DUSP8: variants seen among roughly 807,000 people sequenced by gnomAD.
DUSP8 encodes dual specificity protein phosphatase 8.
A neutral mutation model predicts 38.7 loss-of-function variants in DUSP8; 15 were observed. That is an observed-to-expected ratio of 0.39 (90% CI 0.26 to 0.60). DUSP8 has a LOEUF of 0.60. Ranked by LOEUF, DUSP8 falls within the 20% of genes least tolerant of loss-of-function variation. The pLI, the probability that DUSP8 is intolerant of heterozygous loss-of-function variation, is 0.56. For synonymous variants in DUSP8, 458 were observed against 433.9 expected (o/e 1.06, Z -0.69); for missense variants, 768 against 915.0 (o/e 0.84, Z 2.07).
At chr11:1,571,715 G>C (rs988680387) in intron 1 of DUSP8, 186 bp downstream of exon 1, 1 of 151,714 alleles carries the variant, frequency 6.6e-6, no homozygotes, top group African/African-American at 2.4e-5. Flanking sequence ...GGGCGGGGAA[G>C]GGGCCTCCCT....
At chr11:1,559,780 G>A (rs964042025) in intron 3 of DUSP8, among the ~76,000 whole-genome samples, 4 of 152,298 alleles carry the variant, frequency 2.6e-5, no homozygotes, top group East Asian at 1.9e-4. Flanking sequence ...CGTGACCAGC[G>A]TGTGCTGCTG....
At chr11:1,564,453 C>G (rs189887061) in intron 2 of DUSP8, among the ~76,000 whole-genome samples, 2 of 152,268 alleles carry the variant, frequency 1.3e-5, no homozygotes, top group Non-Finnish European at 2.9e-5. Context: ...AATTCTGCTC[C>G]CCACCCTATC....
Position 1,556,652 on chromosome 11 carries a change from G to A in DUSP8, c.1744C>T (p.Gln582Ter). 1 of 1,406,950 alleles carries A rather than the reference G, an allele frequency of 7.1e-7. No individual in the cohort carries two copies. The allele number at this position is 1,406,950 out of a possible 1,614,324, so 87.2% of individuals were successfully genotyped here. Residue 582 changes from glutamine (Q) to a stop codon, truncating the protein, a stop_gained, in exon 7 of 7, where the codon CAG (glutamine) becomes TAG (stop). Transcript: ENST00000397374. LOFTEE classifies it high-confidence loss of function. The surrounding 1 kb of genome is among the most constrained non-coding windows in gnomAD (Gnocchi z 5.2). The part of the protein sequence containing the change: ...GWPEEPAPET[Q>*]FKRRSCQMEF... ...ATCTGGCAGCTGCGGCGCTTGAACT[G>A]CGTCTCCGGGGCCGGCTCCTCGGGC...
At chr11:1,568,750 C>A (rs1040084196) in intron 1 of DUSP8, among the ~76,000 whole-genome samples, 1 of 152,206 alleles carries the variant, frequency 6.6e-6, no homozygotes, top group African/African-American at 2.4e-5. Flanking sequence ...AGCATGCTCC[C>A]TGCAGCTCGC....
intron 3 of DUSP8, among the ~76,000 whole-genome samples, chr11:1,559,911 G>C (rs1167776125): frequency 6.6e-6 from 1 of 152,184 alleles, no homozygotes; most frequent in Admixed American, 6.5e-5. Flanking sequence ...CATGGGTAGT[G>C]CACACCATGG....
At chr11:1,562,308 A>G (rs1240052213) in intron 3 of DUSP8, among the ~76,000 whole-genome samples, 2 of 152,106 alleles carry the variant, frequency 1.3e-5, no homozygotes, top group African/African-American at 4.8e-5. Context: ...TCAGCCTCCA[A>G]GAAGAGTCTC....
Position 1,558,056 on chromosome 11 carries a change from C to T in DUSP8, c.697+56G>A. On this transcript the variant is annotated intron_variant, in intron 5 of 6. Coordinates refer to ENST00000397374, the MANE Select transcript of DUSP8 (RefSeq NM_004420.3). This position sits in a 1 kb window ranked among gnomAD's most constrained non-coding sequence, Gnocchi z 6.3. ...GACCCCTCCTGTGTCTGTGGCCACA[C>T]ACAGCTCTAGCCTTCCTCTAGCCAG... 1 of 1,611,402 alleles carries T rather than the reference C, an allele frequency of 6.2e-7. No individual in the cohort carries two copies. Among genetic ancestry groups the T allele is most frequent in the Non-Finnish European group, 8.5e-7 (1 of 1,179,346 alleles).
chr11:1,559,334 C>A, intron 3 of DUSP8: 1 of 434,670 alleles, frequency 2.3e-6, no homozygotes. Context: ...CGCTAGGATG[C>A]CCGTAAAGGT....
rs368306336 is a variant in DUSP8, at chr11:1,558,632, C to A, written c.537+257G>T. Among the ~76,000 whole-genome samples the A allele has an allele frequency of 1.7e-4, 26 of 152,298 alleles. 1 individual carries two copies. The South Asian group carries it at 4.8e-3, about 28-fold the overall frequency. On this transcript the variant is annotated intron_variant, in intron 4 of 6. Transcript: ENST00000397374. This position sits in a 1 kb window ranked among gnomAD's most constrained non-coding sequence, Gnocchi z 6.3. ...AGCTGGCCAGAGGCCCAGTGACATC[C>A]GCAGCTTGGCATGCCAGCTCCCCGC...
rs201301580 is a variant in DUSP8, at chr11:1,559,071, C to A, written c.371-16G>T. 1.2e-6 allele frequency: 2 copies of A among 1,606,042 alleles called. No homozygotes were observed. The highest frequency in any genetic ancestry group is 2.7e-5 in the African/African-American group (2 of 74,700). On this transcript the variant is annotated splice_polypyrimidine_tract_variant and intron_variant, in intron 3 of 6. Coordinates refer to ENST00000397374, the MANE Select transcript of DUSP8 (RefSeq NM_004420.3). The stretch of plus-strand genomic sequence containing the variant: ...GCGAAGCCCCCTGTAGGAGGAGGGC[C>A]GTCAAGTGGGTTGAGAGAACACCTA...
At position 1,571,993 on chromosome 11, in the gene DUSP8, C is replaced by G. The variant is rs955210873; in HGVS notation, c.-201G>C. On this transcript the variant is annotated 5_prime_UTR_variant, in exon 1 of 7. Coordinates refer to ENST00000397374, the MANE Select transcript of DUSP8 (RefSeq NM_004420.3). Reference sequence around the variant, plus strand: ...GCCGTCCATGGGCCCGGCGGGGGCCCGCGCAGCCGGGGCAGGGGCCGGGGG... The same window carrying G: ...GCCGTCCATGGGCCCGGCGGGGGCCGGCGCAGCCGGGGCAGGGGCCGGGGG... 1.4e-5 allele frequency: 2 copies of G among 145,398 alleles called. No homozygotes were observed. Among genetic ancestry groups the G allele is most frequent in the African/African-American group, 4.9e-5 (2 of 40,610 alleles). 9.0% of individuals were successfully genotyped at this position (145,398 alleles called of 1,614,324 possible).
At position 1,557,693 on chromosome 11, in the gene DUSP8, C is replaced by A; in HGVS notation, c.821+101G>T. On this transcript the variant is annotated intron_variant, in intron 6 of 6. Transcript: ENST00000397374. This position sits in a 1 kb window ranked among gnomAD's most constrained non-coding sequence, Gnocchi z 9.9. ...GCTGGTCTCAGGCCCTCCTCCCTTG[C>A]CACGGGTCCTGGACGGTGGGGTCAT... 1 of 1,575,176 alleles carries A rather than the reference C, an allele frequency of 6.3e-7. No individual in the cohort carries two copies. The highest frequency in any genetic ancestry group is 8.6e-7 in the Non-Finnish European group (1 of 1,159,242).
Position 1,555,230 on chromosome 11 carries a change from GCA to G in DUSP8, c.*1286_*1287del. 1 of 987,882 alleles carries G rather than the reference GCA, an allele frequency of 1.0e-6. No homozygotes were observed. The highest frequency in any genetic ancestry group is 1.7e-5 in the African/African-American group (1 of 57,422). 61.2% of individuals were successfully genotyped at this position (987,882 alleles called of 1,614,324 possible). ...AAAAGCCACTTGTGTTTGGGGGCTG[GCA>G]TGCCACCTAGAGAGAGAGCACCCTG... is the stretch of plus-strand genomic sequence containing the variant. On this transcript the variant is annotated 3_prime_UTR_variant, in exon 7 of 7. Coordinates refer to ENST00000397374, the MANE Select transcript of DUSP8 (RefSeq NM_004420.3).
chr11:1,567,469 C>G (rs1848821210), intron 1 of DUSP8, among the ~76,000 whole-genome samples: 1 of 152,232 alleles, frequency 6.6e-6, no homozygotes, highest in South Asian at 2.1e-4. Context: ...CGTCCCTGGC[C>G]CAGCCCCAAC....
Position 1,564,005 on chromosome 11 carries a change from C to A in DUSP8, c.232-16G>T. On this transcript the variant is annotated splice_polypyrimidine_tract_variant and intron_variant, in intron 2 of 6. Coordinates refer to ENST00000397374, the MANE Select transcript of DUSP8 (RefSeq NM_004420.3). ...TAGCCTCCACCTGGGGGCCATGGGG[C>A]AGAGATCAGCATGCCGCCTCCACCT... The A allele has an allele frequency of 1.4e-6, 2 of 1,443,458 alleles. No homozygotes were observed. Among genetic ancestry groups the A allele is most frequent in the Non-Finnish European group, 1.8e-6 (2 of 1,088,498 alleles). The allele number at this position is 1,443,458 out of a possible 1,614,324, so 89.4% of individuals were successfully genotyped here.
Position 1,558,376 on chromosome 11 carries a change from T to A in DUSP8, c.538-105A>T. Reference sequence around the variant, plus strand: ...GCCGTCAGGAGGGCCTTTAGAATCCTGGGAGCCTTGGAATTTGTCCCAGAT... The same window carrying A: ...GCCGTCAGGAGGGCCTTTAGAATCCAGGGAGCCTTGGAATTTGTCCCAGAT... On this transcript the variant is annotated intron_variant, in intron 4 of 6. Transcript: ENST00000397374. The surrounding 1 kb of genome is among the most constrained non-coding windows in gnomAD (Gnocchi z 6.3). 1 of 1,013,614 alleles carries A rather than the reference T, an allele frequency of 9.9e-7. No individual in the cohort carries two copies. Among genetic ancestry groups the A allele is most frequent in the Non-Finnish European group, 1.4e-6 (1 of 694,670 alleles). The allele number at this position is 1,013,614 out of a possible 1,614,324, so 62.8% of individuals were successfully genotyped here. A position where few individuals can be genotyped will look rare whatever the true frequency, so the allele number is the denominator to read the frequency against.
intron 3 of DUSP8, among the ~76,000 whole-genome samples, chr11:1,562,472 G>A (rs1277105501): frequency 1.3e-5 from 2 of 152,172 alleles, no homozygotes; most frequent in South Asian, 2.1e-4. Context: ...GGATCAGAGT[G>A]CGTCATTCTG....
chr11:1,564,033 C>G (rs1230527151), intron 2 of DUSP8, 44 bp from the exon 3 acceptor site: 1 of 1,402,900 alleles, frequency 7.1e-7, no homozygotes, highest in Non-Finnish European at 9.4e-7. Flanking sequence ...CTCCACCTAT[C>G]GATGCCCTGG....
At chr11:1,567,311 G>A (rs1213522798) in intron 1 of DUSP8, among the ~76,000 whole-genome samples, 1 of 152,226 alleles carries the variant, frequency 6.6e-6, no homozygotes, top group Non-Finnish European at 1.5e-5. Flanking sequence ...GCACTGGGGG[G>A]AGGCGCCCTG....
Sources: allele counts gnomAD v4.1 joint callset (sites outside exome capture counted in the v4.1 genomes callset), GRCh38; gene constraint gnomAD v4.1.1; non-coding constraint Gnocchi (gnomAD v3.1); transcripts MANE v1.5; gene names NCBI Gene and HGNC (gene_info 2026-07-23, HGNC 2026-07-21).